GRIA4: variants seen among roughly 807,000 people sequenced by gnomAD.
The protein encoded by GRIA4 is glutamate ionotropic receptor AMPA type subunit 4.
GRIA4 carries 34 observed loss-of-function variants against 104.0 expected under a neutral mutation model. That is an observed-to-expected ratio of 0.33 (90% CI 0.25 to 0.44). The LOEUF (loss-of-function observed/expected upper bound fraction) is 0.44, where lower values mean the gene tolerates loss of function less well. Ranked by LOEUF, GRIA4 falls within the 20% of genes least tolerant of loss-of-function variation. GRIA4 has a pLI of 1.00. For synonymous variants in GRIA4, 386 were observed against 381.9 expected, an observed-to-expected ratio of 1.01 and a Z score of -0.13; for missense variants, 750 against 1,096.5, an observed-to-expected ratio of 0.68 and a Z score of 4.46.
chr11:105,758,563 G>T (rs1940444879), intron 4 of GRIA4, among the ~76,000 whole-genome samples: 1 of 152,024 alleles, frequency 6.6e-6, no homozygotes, highest in Non-Finnish European at 1.5e-5. Context: ...TCTTTTTAAA[G>T]CTCTGATGGA....
chr11:105,754,797 C>T (rs1324016638), intron 4 of GRIA4, among the ~76,000 whole-genome samples: 1 of 152,106 alleles, frequency 6.6e-6, no homozygotes, highest in Non-Finnish European at 1.5e-5. Flanking sequence ...CTCTTTAATG[C>T]TTAATATTCA....
At chr11:105,845,441 C>T (rs770564317) in intron 4 of GRIA4, among the ~76,000 whole-genome samples, 1 of 152,108 alleles carries the variant, frequency 6.6e-6, no homozygotes, top group African/African-American at 2.4e-5. Context: ...GGAACCTTGA[C>T]CCCTGCAGTT....
At chr11:105,758,005 A>G (rs895092109) in intron 4 of GRIA4, among the ~76,000 whole-genome samples, 3 of 152,144 alleles carry the variant, frequency 2.0e-5, no homozygotes, top group African/African-American at 7.2e-5. Context: ...ACACTTTAGG[A>G]GGACGAAGTG....
intron 3 of GRIA4, among the ~76,000 whole-genome samples, chr11:105,724,610 A>T (rs1938071699): frequency 6.6e-6 from 1 of 152,078 alleles, no homozygotes; most frequent in South Asian, 2.1e-4. Flanking sequence ...ATAGAGCATG[A>T]AATGATAGAC....
At chr11:105,965,802 G>T in intron 14 of GRIA4, 1 of 660,032 alleles carries the variant, frequency 1.5e-6, no homozygotes, top group Admixed American at 2.8e-5. Context: ...CTTTGGTTTG[G>T]ACTCCAGAGG....
In GRIA4 at chr11:105,786,094, G is replaced by A. The variant is rs551911725; in HGVS notation, c.487+32874G>A. ...CGGGAGGTGGAGGTGGCAGTGAGCCGAGATCGAGCCACTACATTCCAGCCT... is the reference window on the plus strand; with the variant it reads ...CGGGAGGTGGAGGTGGCAGTGAGCCAAGATCGAGCCACTACATTCCAGCCT... On this transcript the variant is annotated intron_variant, in intron 4 of 16. Coordinates refer to ENST00000282499, the MANE Select transcript of GRIA4 (RefSeq NM_000829.4). Among the ~76,000 whole-genome samples, 7 of 139,164 alleles carry A rather than the reference G, an allele frequency of 5.0e-5. No individual in the cohort carries two copies. The East Asian group carries it at 1.3e-3, about 25-fold the overall frequency. 91.3% of individuals were successfully genotyped at this position (139,164 alleles called of 152,430 possible). A position where few individuals can be genotyped will look rare whatever the true frequency, so the allele number is the denominator to read the frequency against.
At chr11:105,685,116 AG>A (rs1333479926) in intron 3 of GRIA4, among the ~76,000 whole-genome samples, 13 of 139,192 alleles carry the variant, frequency 9.3e-5, no homozygotes, top group Non-Finnish European at 1.7e-4. Context: ...GGATTCCTTT[AG>A]GAAGGAAGGA....
intron 7 of GRIA4, among the ~76,000 whole-genome samples, chr11:105,903,006 C>T (rs1403565990): frequency 3.3e-5 from 5 of 152,140 alleles, no homozygotes; most frequent in Non-Finnish European, 5.9e-5. Flanking sequence ...ACATTTTTAT[C>T]TCAATCTTTC....
intron 10 of GRIA4, among the ~76,000 whole-genome samples, chr11:105,910,998 G>A (rs1947216567): frequency 6.6e-6 from 1 of 152,048 alleles, no homozygotes; most frequent in Non-Finnish European, 1.5e-5. Flanking sequence ...ATCGGATAAT[G>A]ATTTGTATTG....
chr11:105,625,983 T>G (rs1371335132), intron 3 of GRIA4, among the ~76,000 whole-genome samples: 1 of 152,184 alleles, frequency 6.6e-6, no homozygotes, highest in African/African-American at 2.4e-5. Context: ...GACTCTTTAC[T>G]ATATTATTAT....
intron 4 of GRIA4, among the ~76,000 whole-genome samples, chr11:105,769,411 A>G (rs1941108903): frequency 6.6e-6 from 1 of 152,072 alleles, no homozygotes; most frequent in Non-Finnish European, 1.5e-5. Flanking sequence ...AGGGTGTTTC[A>G]TAGAGAGAAC....
At chr11:105,888,631 G>A (rs1015913359) in intron 6 of GRIA4, among the ~76,000 whole-genome samples, 1 of 151,664 alleles carries the variant, frequency 6.6e-6, no homozygotes, top group East Asian at 1.9e-4. Context: ...ACTATCTTGC[G>A]CTTGAAACAG....
In GRIA4 at chr11:105,712,192, G is replaced by T. The variant is rs191790678; in HGVS notation, c.248-40789G>T. Among the ~76,000 whole-genome samples the T allele has an allele frequency of 1.4e-3, 209 of 152,186 alleles. 2 individuals carry two copies. The highest frequency in any genetic ancestry group is 2.2e-3 in the Non-Finnish European group (150 of 67,988). ...ATCTGGAAGGACAACCTCAACCAAT[G>T]AATGCATATTTTGGCATTTGCTTTT... On this transcript the variant is annotated intron_variant, in intron 3 of 16. Transcript: ENST00000282499.
intron 4 of GRIA4, among the ~76,000 whole-genome samples, chr11:105,780,588 T>G (rs1648186246): frequency 6.6e-6 from 1 of 152,112 alleles, no homozygotes; most frequent in African/African-American, 2.4e-5. Context: ...TATTCCAAGA[T>G]GAATAAAAAT....
intron 7 of GRIA4, among the ~76,000 whole-genome samples, chr11:105,901,113 T>C (rs930203469): frequency 6.6e-6 from 1 of 152,180 alleles, no homozygotes; most frequent in African/African-American, 2.4e-5. Context: ...CAAATACTCA[T>C]CTTTGTAGTC....
chr11:105,957,087 T>C (rs1591485537), intron 14 of GRIA4, among the ~76,000 whole-genome samples: 1 of 152,224 alleles, frequency 6.6e-6, no homozygotes, highest in East Asian at 1.9e-4. Context: ...GTAGTTTCTT[T>C]TGCTGTGCAG....
At chr11:105,684,679 A>G (rs1952818400) in intron 3 of GRIA4, among the ~76,000 whole-genome samples, 1 of 149,590 alleles carries the variant, frequency 6.7e-6, no homozygotes, top group African/African-American at 2.4e-5. Context: ...CCTCAATCTT[A>G]TCTCAGAAGA....
At chr11:105,841,451 A>G (rs930001319) in intron 4 of GRIA4, among the ~76,000 whole-genome samples, 6 of 152,260 alleles carry the variant, frequency 3.9e-5, no homozygotes, top group African/African-American at 1.4e-4. Flanking sequence ...CTGGAGTCCA[A>G]TGCCCAGCTT....
chr11:105,879,191 C>G (rs1945953042), intron 5 of GRIA4, among the ~76,000 whole-genome samples: 1 of 152,180 alleles, frequency 6.6e-6, no homozygotes, highest in Non-Finnish European at 1.5e-5. Context: ...ACACCCCACC[C>G]TGCTTCTGCT....
Sources: allele counts gnomAD v4.1 joint callset (sites outside exome capture counted in the v4.1 genomes callset), GRCh38; gene constraint gnomAD v4.1.1; transcripts MANE v1.5; gene names NCBI Gene and HGNC (gene_info 2026-07-23, HGNC 2026-07-21).